PRKCZ: variants seen among roughly 807,000 people sequenced by gnomAD.
PRKCZ encodes protein kinase C zeta.
A neutral mutation model predicts 79.5 loss-of-function variants in PRKCZ; 33 were observed. That is an observed-to-expected ratio of 0.41 (90% CI 0.31 to 0.55). PRKCZ has a LOEUF of 0.55. Among genes scored for constraint, PRKCZ ranks in the 20% least tolerant of loss-of-function variants. The pLI, the probability that PRKCZ is intolerant of heterozygous loss-of-function variation, is 0.19. For synonymous variants in PRKCZ, 342 were observed against 320.9 expected, an observed-to-expected ratio of 1.07 and a Z score of -0.70; for missense variants, 578 against 813.5, an observed-to-expected ratio of 0.71 and a Z score of 3.52.
rs1571658975 is a variant in PRKCZ at position 2,128,386 on chromosome 1, G to A, written c.335-6876G>A. Among the ~76,000 whole-genome samples the A allele has an allele frequency of 6.6e-6, 1 of 152,208 alleles. No homozygotes were observed. On this transcript the variant is annotated intron_variant, in intron 4 of 17. Coordinates refer to ENST00000378567, the MANE Select transcript of PRKCZ (RefSeq NM_002744.6). The surrounding 1 kb of genome is among the most constrained non-coding windows in gnomAD (Gnocchi z 6.5). ...CCAGGGACTCGGCCCCTCCCTCACC[G>A]CCACCGCACCCAAGGGCTGTCGCCT...
At chr1:2,065,494 C>A (rs1306216844) in intron 4 of PRKCZ, among the ~76,000 whole-genome samples, 1 of 152,004 alleles carries the variant, frequency 6.6e-6, no homozygotes, top group South Asian at 2.1e-4. Context: ...CTGGTTAACA[C>A]AGTGAAACCC....
At chr1:2,169,391 T>C in intron 10 of PRKCZ, 127 bp from the exon 11 acceptor site, 1 of 804,754 alleles carries the variant, frequency 1.2e-6, no homozygotes, top group Non-Finnish European at 2.1e-6. Flanking sequence ...CTGCTGCTCT[T>C]TGCTCTTTGC....
rs149412266 is a variant in PRKCZ, at chr1:2,177,272, A to T, written c.1575+1959A>T. On this transcript the variant is annotated intron_variant, in intron 16 of 17. Transcript: ENST00000378567. The surrounding 1 kb of genome is among the most constrained non-coding windows in gnomAD (Gnocchi z 6.4). ...GGTACCACCCGGCTGAACCCGTAGCAGGTGCTTAGTAGAATTACGTGAGGA... is the reference window on the plus strand; with the variant it reads ...GGTACCACCCGGCTGAACCCGTAGCTGGTGCTTAGTAGAATTACGTGAGGA... 1.2e-4 allele frequency among the ~76,000 whole-genome samples: 19 copies of T among 152,270 alleles called. No homozygotes were observed. In the East Asian group the frequency reaches 3.7e-3, roughly 29 times the overall value.
rs1674277485 is a variant in PRKCZ at position 2,127,998 on chromosome 1, G to T, written c.335-7264G>T. ...CTGGGTGCTGGGGAAGCCTGGAGAG[G>T]AAGCCAGGTGGCCCCAGGCTCCTGG... On this transcript the variant is annotated intron_variant, in intron 4 of 17. Coordinates refer to ENST00000378567, the MANE Select transcript of PRKCZ (RefSeq NM_002744.6). This position sits in a 1 kb window ranked among gnomAD's most constrained non-coding sequence, Gnocchi z 5.1. Among the ~76,000 whole-genome samples the T allele has an allele frequency of 6.6e-6, 1 of 152,218 alleles. No individual in the cohort carries two copies.
At chr1:2,091,562 G>A (rs1278070154) in intron 4 of PRKCZ, among the ~76,000 whole-genome samples, 3 of 152,168 alleles carry the variant, frequency 2.0e-5, no homozygotes, top group South Asian at 4.2e-4. Flanking sequence ...GTCCTCTTGG[G>A]GCGAGGCAGT....
intron 5 of PRKCZ, among the ~76,000 whole-genome samples, chr1:2,136,490 G>A (rs1345491188): frequency 1.3e-5 from 2 of 152,188 alleles, no homozygotes; most frequent in Admixed American, 1.3e-4. Context: ...TGGGAGGTCA[G>A]TGCAGAGGAG....
At chr1:2,095,586 C>T (rs977356302) in intron 4 of PRKCZ, among the ~76,000 whole-genome samples, 8 of 152,066 alleles carry the variant, frequency 5.3e-5, no homozygotes, top group African/African-American at 1.2e-4. Context: ...CAGATGCGTG[C>T]GTCCTGCATG....
intron 10 of PRKCZ, among the ~76,000 whole-genome samples, chr1:2,164,245 C>T (rs1445031431): frequency 6.6e-6 from 1 of 152,224 alleles, no homozygotes; most frequent in African/African-American, 2.4e-5. Context: ...TTGTCACCCA[C>T]AGGCCTTGGG....
chr1:2,110,968 T>C (rs1055540370), intron 4 of PRKCZ, among the ~76,000 whole-genome samples: 5 of 151,674 alleles, frequency 3.3e-5, no homozygotes, highest in Admixed American at 3.3e-4. Context: ...TCCCCTCGGG[T>C]GCGAGGCCTG....
At position 2,059,571 on chromosome 1, in the gene PRKCZ, T is replaced by G. The variant is rs1193199669; in HGVS notation, c.314T>G (p.Leu105Arg). 6.2e-7 allele frequency: 1 copy of G among 1,614,208 alleles called. No individual in the cohort carries two copies. Among genetic ancestry groups the G allele is most frequent in the South Asian group, 1.1e-5 (1 of 91,090 alleles). ...VFPSTPEQPG[L>R]PCPGEDKSIY... Reference sequence around the variant, plus strand: ...CCGAGCACCCCTGAGCAGCCTGGCCTGCCATGTCCGGGAGAAGACAGTGAG... The same window carrying G: ...CCGAGCACCCCTGAGCAGCCTGGCCGGCCATGTCCGGGAGAAGACAGTGAG... The change falls in exon 4 of 18, where the codon CTG (leucine) becomes CGG (arginine). Residue 105 changes from leucine to arginine, a missense_variant. Physicochemically the swap from Leu to Arg is moderately radical, Grantham distance 102. This residue lies in a region of PRKCZ where 228 missense variants were observed against 211.6 expected (regional missense o/e 1.08). Coordinates refer to ENST00000378567, the MANE Select transcript of PRKCZ (RefSeq NM_002744.6).
chr1:2,130,052 G>A (rs552979252), intron 4 of PRKCZ, among the ~76,000 whole-genome samples: 6 of 152,166 alleles, frequency 3.9e-5, no homozygotes, highest in Admixed American at 6.5e-5. Context: ...ATAGGTGCAC[G>A]CCACCACACT....
chr1:2,099,285 G>A (rs1167978270), intron 4 of PRKCZ, among the ~76,000 whole-genome samples: 1 of 152,216 alleles, frequency 6.6e-6, no homozygotes, highest in East Asian at 1.9e-4. Context: ...ATCCTCCTCA[G>A]TGTGACGTCT....
chr1:2,112,153 C>T (rs897958609), intron 4 of PRKCZ, among the ~76,000 whole-genome samples: 1 of 152,234 alleles, frequency 6.6e-6, no homozygotes, highest in African/African-American at 2.4e-5. Flanking sequence ...TCACCTCTGC[C>T]TGGGTTACAG....
At chr1:2,060,140 G>A (rs538222804) in intron 4 of PRKCZ, among the ~76,000 whole-genome samples, 1 of 152,390 alleles carries the variant, frequency 6.6e-6, no homozygotes, top group Admixed American at 6.5e-5. Context: ...GCATCCCATG[G>A]CTGTGCTTGG....
intron 4 of PRKCZ, among the ~76,000 whole-genome samples, chr1:2,131,666 A>G (rs1400141522): frequency 2.0e-5 from 3 of 152,184 alleles, no homozygotes; most frequent in Non-Finnish European, 4.4e-5. Context: ...GCAGCCAGCC[A>G]GGGGCAGGAC....
At chr1:2,136,367 G>A (rs1473780414) in intron 5 of PRKCZ, among the ~76,000 whole-genome samples, 5 of 152,212 alleles carry the variant, frequency 3.3e-5, no homozygotes, top group Non-Finnish European at 7.3e-5. Flanking sequence ...CTGAAGAGGG[G>A]TGTGGTGGGA....
chr1:2,095,555 G>A lies in PRKCZ; in HGVS notation c.334+35964G>A, dbSNP rs113829453. Among the ~76,000 whole-genome samples the A allele has an allele frequency of 6.9e-3, 1,046 of 152,204 alleles. 12 individuals carry two copies. The highest frequency in any genetic ancestry group is 0.024 in the African/African-American group (1,001 of 41,492). ...CCCTGTCAGTTGTTCAGAGAAGAGG[G>A]GGAGGATTCGCGCTTTGCGTCAGAT... is the stretch of plus-strand genomic sequence containing the variant. On this transcript the variant is annotated intron_variant, in intron 4 of 17. Coordinates refer to ENST00000378567, the MANE Select transcript of PRKCZ (RefSeq NM_002744.6).
rs1161799824 is a variant in PRKCZ at position 2,157,764 on chromosome 1, G to A, written c.974+1672G>A. 1.3e-5 allele frequency among the ~76,000 whole-genome samples: 2 copies of A among 149,186 alleles called. 1 individual carries two copies. The highest frequency in any genetic ancestry group is 5.0e-5 in the African/African-American group (2 of 40,374). The stretch of plus-strand genomic sequence containing the variant: ...GATAGGGTCTTGCTCTGTCGCCCCA[G>A]GCTGGTCTCAAACTCCTGGGCTCCT... On this transcript the variant is annotated intron_variant, in intron 10 of 17. Coordinates refer to ENST00000378567, the MANE Select transcript of PRKCZ (RefSeq NM_002744.6).
rs973751230 is a variant in PRKCZ, at chr1:2,108,958, A to G, written c.335-26304A>G. Reference sequence around the variant, plus strand: ...GTTTCCCGCCTTCTCCGGCGTCTGAAGCCGCCTGCCCCTTGGTGCAGCCCT... The same window carrying G: ...GTTTCCCGCCTTCTCCGGCGTCTGAGGCCGCCTGCCCCTTGGTGCAGCCCT... On this transcript the variant is annotated intron_variant, in intron 4 of 17. Transcript: ENST00000378567. Among the ~76,000 whole-genome samples the G allele has an allele frequency of 1.6e-4, 25 of 152,226 alleles. No homozygotes were observed. The South Asian group carries it at 2.5e-3, about 15-fold the overall frequency.
Sources: allele counts gnomAD v4.1 joint callset (sites outside exome capture counted in the v4.1 genomes callset), GRCh38; gene constraint gnomAD v4.1.1; regional missense constraint gnomAD v4.1.1; non-coding constraint Gnocchi (gnomAD v3.1); transcripts MANE v1.5; gene names NCBI Gene and HGNC (gene_info 2026-07-23, HGNC 2026-07-21).